The following PKP4 variants were observed in gnomAD, a reference collection of about 807,000 sequenced individuals.
The protein encoded by PKP4 is plakophilin-4.
In PKP4, 90 loss-of-function variants were observed where a neutral mutation model predicts 145.1. The observed-to-expected ratio is 0.62, with a 90% CI of 0.52 to 0.74. The LOEUF is 0.74. Ranked by LOEUF, PKP4 falls within the 30% of genes least tolerant of loss-of-function variation. The pLI is 0.00. For missense variants in PKP4, 1,340 were observed against 1,482.7 expected (o/e 0.90, Z 1.58); for synonymous variants, 563 against 577.2 (o/e 0.98, Z 0.35).
At position 158,495,555 on chromosome 2, in the gene PKP4, T is replaced by C. The variant is rs369112856; in HGVS notation, c.-5-37625T>C. Among the ~76,000 whole-genome samples the C allele has an allele frequency of 4.7e-4, 72 of 151,860 alleles. 4 individuals are homozygous for C. The South Asian group carries it at 0.014, about 29-fold the overall frequency. On this transcript the variant is annotated intron_variant, in intron 1 of 21. Coordinates refer to ENST00000389759, the MANE Select transcript of PKP4 (RefSeq NM_003628.6). ...AACTATGTTTAAAAAAAAAGGAGTGTCCGGGTGCCGTGGCTCCCACCTGTA... is the reference window on the plus strand; with the variant it reads ...AACTATGTTTAAAAAAAAAGGAGTGCCCGGGTGCCGTGGCTCCCACCTGTA...
chr2:158,548,445 C>CA (rs2045288651), intron 2 of PKP4: 1 of 139,328 alleles, frequency 7.2e-6, no homozygotes, highest in African/African-American at 2.5e-5. Context: ...GAAAGAAGGC[C>CA]AAGGGGAAGA....
intron 1 of PKP4, among the ~76,000 whole-genome samples, chr2:158,518,692 A>G (rs1356718477): frequency 1.3e-5 from 2 of 152,148 alleles, no homozygotes; most frequent in Non-Finnish European, 2.9e-5. Flanking sequence ...ATTCAGCATT[A>G]TGGTTGGGTG....
chr2:158,672,489 C>G (rs1281686278), intron 17 of PKP4, among the ~76,000 whole-genome samples: 4 of 152,214 alleles, frequency 2.6e-5, no homozygotes, highest in Non-Finnish European at 5.9e-5. Flanking sequence ...ATCCTGCTGC[C>G]TAGCACTTAA....
At chr2:158,651,287 C>T (rs573154263) in intron 11 of PKP4, among the ~76,000 whole-genome samples, 18 of 152,242 alleles carry the variant, frequency 1.2e-4, no homozygotes, top group East Asian at 5.8e-4. Flanking sequence ...TATTTTCACA[C>T]GTATTCAAAC....
At chr2:158,585,702 C>G (rs1460759324) in intron 3 of PKP4, among the ~76,000 whole-genome samples, 2 of 152,092 alleles carry the variant, frequency 1.3e-5, no homozygotes, top group Non-Finnish European at 2.9e-5. Flanking sequence ...AAAGCTCTGT[C>G]CCTTTGACCT....
chr2:158,597,771 AATAT>A (rs772709136), intron 3 of PKP4, among the ~76,000 whole-genome samples: 3 of 152,166 alleles, frequency 2.0e-5, no homozygotes, highest in Non-Finnish European at 4.4e-5. Context: ...TTCATATATA[AATAT>A]ACATGTGTGT....
intron 7 of PKP4, among the ~76,000 whole-genome samples, chr2:158,626,016 G>A (rs780178675): frequency 4.0e-5 from 6 of 151,670 alleles, no homozygotes; most frequent in Non-Finnish European, 8.8e-5. Flanking sequence ...CCAACTTCAG[G>A]GTTTTTCGTG....
At chr2:158,483,286 TCTA>T (rs1439763579) in intron 1 of PKP4, among the ~76,000 whole-genome samples, 3 of 152,198 alleles carry the variant, frequency 2.0e-5, no homozygotes, top group African/African-American at 7.2e-5. Context: ...CTCCCCAATT[TCTA>T]ATGCTTTTCT....
chr2:158,661,824 A>G (rs549211310), intron 13 of PKP4: 506 of 186,374 alleles, frequency 2.7e-3, no homozygotes, highest in Non-Finnish European at 4.3e-3. Flanking sequence ...AATCCCCCCA[A>G]ACTCTCTGCC....
At chr2:158,636,966 G>A (rs1370905244) in intron 9 of PKP4, among the ~76,000 whole-genome samples, 2 of 152,104 alleles carry the variant, frequency 1.3e-5, no homozygotes, top group African/African-American at 4.8e-5. Flanking sequence ...TTCAACATCT[G>A]GGGTGAGTCT....
At chr2:158,551,964 T>C (rs2045666226) in intron 2 of PKP4, among the ~76,000 whole-genome samples, 1 of 152,240 alleles carries the variant, frequency 6.6e-6, no homozygotes, top group Admixed American at 6.5e-5. Context: ...CCCAGAGATT[T>C]ATTATCCCAA....
chr2:158,650,061 A>G (rs560919689), intron 11 of PKP4, among the ~76,000 whole-genome samples: 15 of 152,226 alleles, frequency 9.9e-5, no homozygotes, highest in Middle Eastern at 3.2e-3. Flanking sequence ...TAACTGTGAC[A>G]GTATAAATGA....
chr2:158,607,521 A>G (rs965308103), intron 4 of PKP4, among the ~76,000 whole-genome samples: 8 of 152,154 alleles, frequency 5.3e-5, no homozygotes, highest in Admixed American at 1.3e-4. Context: ...CTGCAGAGGC[A>G]AAGGGGTAGG....
intron 2 of PKP4, among the ~76,000 whole-genome samples, chr2:158,569,100 C>T (rs1416754518): frequency 6.6e-6 from 1 of 152,148 alleles, no homozygotes; most frequent in Non-Finnish European, 1.5e-5. Context: ...TAATGTACCC[C>T]CAAACCTCTC....
At chr2:158,666,390 T>A in intron 15 of PKP4, 23 bp from the exon 16 acceptor site, 1 of 1,556,134 alleles carries the variant, frequency 6.4e-7, no homozygotes, top group Non-Finnish European at 8.6e-7. Context: ...TTATGTTACT[T>A]CCTGCCTTAT....
At chr2:158,648,189 G>A (rs1259159527) in intron 11 of PKP4, among the ~76,000 whole-genome samples, 1 of 152,138 alleles carries the variant, frequency 6.6e-6, no homozygotes, top group East Asian at 1.9e-4. Context: ...AATTTAGTAA[G>A]TGATTATTCA....
chr2:158,480,320 T>C (rs1200515829), intron 1 of PKP4, among the ~76,000 whole-genome samples: 1 of 152,184 alleles, frequency 6.6e-6, no homozygotes, highest in African/African-American at 2.4e-5. Flanking sequence ...CACTGCAACC[T>C]CTGCCTCCTG....
intron 4 of PKP4, among the ~76,000 whole-genome samples, chr2:158,613,646 CATTAGGAGACAG>C (rs1458321074): frequency 1.3e-5 from 2 of 152,144 alleles, no homozygotes; most frequent in African/African-American, 4.8e-5. Flanking sequence ...AGAACCATCG[CATTAGGAGACAG>C]ATTGGTGGTA....
rs929318018 is a variant in PKP4, at chr2:158,680,796, G to C, written c.*119G>C. 1 of 954,706 alleles carries C rather than the reference G, an allele frequency of 1.0e-6. No individual in the cohort carries two copies. Among genetic ancestry groups the C allele is most frequent in the East Asian group, 2.4e-5 (1 of 40,856 alleles). 59.1% of individuals were successfully genotyped at this position (954,706 alleles called of 1,614,324 possible). A position where few individuals can be genotyped will look rare whatever the true frequency, so the allele number is the denominator to read the frequency against. ...AAGTGAAGTGGAAGGAATGAATGAA[G>C]TGTGTTTTTTTTTTCTTTTTTGAGG... On this transcript the variant is annotated 3_prime_UTR_variant, in exon 22 of 22. Coordinates refer to ENST00000389759, the MANE Select transcript of PKP4 (RefSeq NM_003628.6).
Sources: allele counts gnomAD v4.1 joint callset (sites outside exome capture counted in the v4.1 genomes callset), GRCh38; gene constraint gnomAD v4.1.1; transcripts MANE v1.5; gene names NCBI Gene and HGNC (gene_info 2026-07-23, HGNC 2026-07-21).